SLA: variants seen among roughly 807,000 people sequenced by gnomAD.
SLA encodes src-like-adapter.
SLA carries 16 observed loss-of-function variants against 30.3 expected under a neutral mutation model. That is an observed-to-expected ratio of 0.53 (90% confidence interval 0.36 to 0.80). The LOEUF (loss-of-function observed/expected upper bound fraction) is 0.80. Ranked by LOEUF, SLA falls within the 30% of genes least tolerant of loss-of-function variation. SLA has a pLI of 0.01. For missense variants in SLA, 310 were observed against 345.2 expected, an observed-to-expected ratio of 0.90 and a Z score of 0.81; for synonymous variants, 143 against 137.8, an observed-to-expected ratio of 1.04 and a Z score of -0.26.
intron 3 of SLA, chr8:133,058,923 T>C (rs1564132175): frequency 8.8e-6 from 4 of 452,176 alleles, no homozygotes; most frequent in Non-Finnish European, 1.8e-5. Context: ...TTGAAAGGGG[T>C]GTGGGGTGGC....
At chr8:133,086,936 T>C (rs1054477153) in intron 1 of SLA, among the ~76,000 whole-genome samples, 2 of 152,178 alleles carry the variant, frequency 1.3e-5, no homozygotes, top group Non-Finnish European at 2.9e-5. Context: ...ATCCTAAATG[T>C]AATTAGCATG....
rs146692559 is a variant in SLA at position 133,095,067 on chromosome 8, C to T, written c.-319+7486G>A. 71 of 1,613,814 alleles carry T rather than the reference C, an allele frequency of 4.4e-5. No individual in the cohort carries two copies. The African/African-American group carries it at 5.6e-4, about 13-fold the overall frequency. On this transcript the variant is annotated intron_variant, in intron 1 of 8. Coordinates refer to ENST00000338087, the MANE Select transcript of SLA (RefSeq NM_001045556.3). The stretch of plus-strand genomic sequence containing the variant: ...AGGGAGGCTCCGCACTCTCCCCGGC[C>T]GCCGTCATCAGCCATGAGAGGGCTC...
chr8:133,069,701 T>A (rs560433015), intron 2 of SLA, among the ~76,000 whole-genome samples: 1 of 151,882 alleles, frequency 6.6e-6, no homozygotes, highest in East Asian at 1.9e-4. Context: ...AAGGGAACAG[T>A]TAGAAACAGA....
intron 3 of SLA, among the ~76,000 whole-genome samples, chr8:133,059,521 A>G (rs1405298834): frequency 6.6e-6 from 1 of 152,172 alleles, no homozygotes; most frequent in East Asian, 1.9e-4. Flanking sequence ...GACTTTGGTC[A>G]TCACTGATTA....
Position 133,038,916 on chromosome 8 carries a change from T to C in SLA, c.618-179A>G, listed in dbSNP as rs186701421. Among the ~76,000 whole-genome samples, 404 of 152,316 alleles carry C rather than the reference T, an allele frequency of 2.7e-3. 1 individual carries two copies. The highest frequency in any genetic ancestry group is 3.9e-3 in the Non-Finnish European group (265 of 68,030). On this transcript the variant is annotated intron_variant, in intron 8 of 8. Transcript: ENST00000338087. Reference sequence around the variant, plus strand: ...ATTTTAAGATGGAGTCTCGCTCTGTTGCCCAGGCTGGAGTGCAGTGGTGCA... The same window carrying C: ...ATTTTAAGATGGAGTCTCGCTCTGTCGCCCAGGCTGGAGTGCAGTGGTGCA...
chr8:133,051,061 G>A (rs1840320135), intron 3 of SLA, 146 bp from the exon 4 acceptor site: 1 of 619,766 alleles, frequency 1.6e-6, no homozygotes, highest in East Asian at 2.8e-5. Context: ...TTACAGCAAG[G>A]TCCTCTCTTC....
chr8:133,043,504 G>T (rs1374338052), intron 7 of SLA, among the ~76,000 whole-genome samples: 1 of 152,186 alleles, frequency 6.6e-6, no homozygotes, highest in Non-Finnish European at 1.5e-5. Flanking sequence ...TTTTGCATCT[G>T]CTATGTGACA....
rs376711807 is a variant in SLA, at chr8:133,070,029, A to AAAAAAAAAAAAAAAAAAAAAC, written c.-41+4823_-41+4824insGTTTTTTTTTTTTTTTTTTTT. Among the ~76,000 whole-genome samples, 9 of 109,806 alleles carry AAAAAAAAAAAAAAAAAAAAAC rather than the reference A, an allele frequency of 8.2e-5. 3 individuals are homozygous for AAAAAAAAAAAAAAAAAAAAAC. Among genetic ancestry groups the AAAAAAAAAAAAAAAAAAAAAC allele is most frequent in the African/African-American group, 3.1e-4 (8 of 25,784 alleles). The allele number at this position is 109,806 out of a possible 152,430, so 72.0% of individuals were successfully genotyped here. On this transcript the variant is annotated intron_variant, in intron 2 of 8. Transcript: ENST00000338087. Reference sequence around the variant, plus strand: ...AAAAAAAAAAAAAAAAAAAAAAAGAAAGAAAGAAAGAAAAGAAAAGAAGAA... The same window carrying AAAAAAAAAAAAAAAAAAAAAC: ...AAAAAAAAAAAAAAAAAAAAAAAGAAAAAAAAAAAAAAAAAAAAAACAGAAAGAAAGAAAAGAAAAGAAGAA...
chr8:133,042,263 C>T (rs546207306), intron 7 of SLA, among the ~76,000 whole-genome samples: 1 of 152,178 alleles, frequency 6.6e-6, no homozygotes, highest in African/African-American at 2.4e-5. Flanking sequence ...TGGGTTCAGA[C>T]CCCCTGGTCT....
At chr8:133,072,170 T>G (rs1230319541) in intron 2 of SLA, among the ~76,000 whole-genome samples, 2 of 152,208 alleles carry the variant, frequency 1.3e-5, no homozygotes, top group Admixed American at 6.5e-5. Context: ...GGTTGCAGTC[T>G]GCCTGGTGCT....
At chr8:133,077,869 G>A (rs371906405) in intron 1 of SLA, among the ~76,000 whole-genome samples, 6 of 151,684 alleles carry the variant, frequency 4.0e-5, no homozygotes, top group African/African-American at 1.5e-4. Context: ...GGAGCCCCCC[G>A]CACCCCTCCA....
chr8:133,047,805 GA>G, intron 6 of SLA, 24 bp downstream of exon 6: 2 of 1,284,722 alleles, frequency 1.6e-6, no homozygotes, highest in Non-Finnish European at 2.3e-6. Context: ...CCCGGATGGG[GA>G]AAGATGAGTT....
At chr8:133,057,792 A>T (rs2131303173) in intron 3 of SLA, among the ~76,000 whole-genome samples, 1 of 152,256 alleles carries the variant, frequency 6.6e-6, no homozygotes, top group Non-Finnish European at 1.5e-5. Context: ...AAAAAACAAA[A>T]AAACAGATGG....
intron 1 of SLA, among the ~76,000 whole-genome samples, chr8:133,092,088 T>G (rs1847642561): frequency 6.6e-6 from 1 of 152,216 alleles, no homozygotes; most frequent in Non-Finnish European, 1.5e-5. Context: ...TTCCAGCCAG[T>G]GGCTCACTCT....
chr8:133,042,086 T>TTG (rs1007500347), intron 7 of SLA, among the ~76,000 whole-genome samples: 2 of 152,092 alleles, frequency 1.3e-5, no homozygotes, highest in African/African-American at 4.8e-5. Context: ...CACACCCGGC[T>TTG]GTCAGTGTTT....
At chr8:133,054,068 T>A (rs1840913133) in intron 3 of SLA, among the ~76,000 whole-genome samples, 1 of 152,176 alleles carries the variant, frequency 6.6e-6, no homozygotes, top group African/African-American at 2.4e-5. Context: ...CCAGGATCCC[T>A]TCAAAGTCTT....
At chr8:133,065,959 G>T (rs562571241) in intron 2 of SLA, among the ~76,000 whole-genome samples, 2 of 152,114 alleles carry the variant, frequency 1.3e-5, no homozygotes, top group Non-Finnish European at 2.9e-5. Context: ...CAGAAGTGCT[G>T]CTGGGAGCAG....
At chr8:133,071,170 A>T (rs1476541319) in intron 2 of SLA, among the ~76,000 whole-genome samples, 1 of 152,170 alleles carries the variant, frequency 6.6e-6, no homozygotes, top group African/African-American at 2.4e-5. Context: ...ACCAGTGCGT[A>T]TTGAGGAATT....
chr8:133,083,822 C>T (rs1213341604), intron 1 of SLA, among the ~76,000 whole-genome samples: 1 of 152,098 alleles, frequency 6.6e-6, no homozygotes, highest in Non-Finnish European at 1.5e-5. Context: ...CATCCAGTGC[C>T]CTGCTGCCCC....
Sources: gnomAD v4.1 joint callset for allele counts (sites outside exome capture counted in the v4.1 genomes callset) on GRCh38, gnomAD v4.1.1 for gene constraint, MANE v1.5 for transcripts, NCBI Gene and HGNC (gene_info 2026-07-23, HGNC 2026-07-21) for gene names.